Variants in CTNNA3 observed in about 807,000 individuals in gnomAD.
The protein encoded by CTNNA3 is catenin alpha-3.
In CTNNA3, 76 loss-of-function variants were observed where a neutral mutation model predicts 95.7. The ratio of observed to expected loss-of-function variants is 0.79; its 90% CI spans 0.66 to 0.96. CTNNA3 has a LOEUF of 0.96. Ranked by LOEUF, CTNNA3 falls within the 40% of genes least tolerant of loss-of-function variation. The pLI is 0.00. For synonymous variants in CTNNA3, 431 were observed against 374.4 expected, an observed-to-expected ratio of 1.15 and a Z score of -1.74; for missense variants, 1,191 against 1,089.8, an observed-to-expected ratio of 1.09 and a Z score of -1.31.
chr10:66,266,111 GGAAGGAAGGAAGGAAA>G (rs545898962), intron 13 of CTNNA3, among the ~76,000 whole-genome samples: 20,522 of 146,540 alleles, frequency 0.14, 1,649 homozygotes, highest in East Asian at 0.26. Context: ...GAGGGAGGAA[GGAAGGAAGGAAGGAAA>G]GAAGGAAGGA....
chr10:66,301,267 T>C (rs1343754899), intron 12 of CTNNA3, among the ~76,000 whole-genome samples: 1 of 152,042 alleles, frequency 6.6e-6, no homozygotes, highest in African/African-American at 2.4e-5. Flanking sequence ...ATTATACCAA[T>C]TCTTTCCATC....
chr10:67,045,579 C>T (rs1854682013), intron 7 of CTNNA3, among the ~76,000 whole-genome samples: 1 of 152,184 alleles, frequency 6.6e-6, no homozygotes, highest in Non-Finnish European at 1.5e-5. Context: ...TCCCCACGAA[C>T]TTCCATTGCG....
At position 67,180,474 on chromosome 10, in the gene CTNNA3, C is replaced by G. The variant is rs201596778; in HGVS notation, c.890G>C (p.Arg297Pro). The G allele has an allele frequency of 2.5e-6, 4 of 1,613,650 alleles. No homozygotes were observed. The Admixed American group carries it at 6.7e-5, about 27-fold the overall frequency. The part of the protein sequence containing the change: ...NPLTVTEEEI[R>P]PSLEKRLEAI... ...TTCAAGGCGTTTCTCTAGTGATGGT[C>G]GTATTTCCTCCTCAGTTACTGTGAG... Residue 297 changes from arginine to proline, a missense_variant, in exon 7 of 18, where the codon CGA becomes CCA. Transcript: ENST00000433211.
intron 7 of CTNNA3, among the ~76,000 whole-genome samples, chr10:66,814,562 G>C (rs531229012): frequency 7.2e-5 from 11 of 152,216 alleles, no homozygotes; most frequent in African/African-American, 2.4e-4. Context: ...AGGAGTTTGA[G>C]ACTAGCCTGG....
intron 9 of CTNNA3, among the ~76,000 whole-genome samples, chr10:66,713,985 G>A (rs754465273): frequency 2.0e-5 from 3 of 151,942 alleles, no homozygotes; most frequent in Non-Finnish European, 4.4e-5. Context: ...ATACTACAGA[G>A]AAAATCACAT....
rs1187116248 is a variant in CTNNA3 at position 66,447,746 on chromosome 10, C to T, written c.1532-68394G>A. 2.6e-5 allele frequency among the ~76,000 whole-genome samples: 4 copies of T among 151,838 alleles called. No homozygotes were observed. The South Asian group carries it at 6.2e-4, about 24-fold the overall frequency. ...TCCTAGAAGAAAACCTAGGCAATAC[C>T]ATTCAGGACATAGGCATGGGCAAGG... On this transcript the variant is annotated intron_variant, in intron 11 of 17. Coordinates refer to ENST00000433211, the MANE Select transcript of CTNNA3 (RefSeq NM_013266.4).
intron 7 of CTNNA3, among the ~76,000 whole-genome samples, chr10:66,871,502 C>T (rs911496080): frequency 2.2e-5 from 3 of 136,442 alleles, no homozygotes; most frequent in East Asian, 2.2e-4. Context: ...GCGGAGGTTG[C>T]GGTGAGCTGA....
At chr10:66,053,503 T>C (rs1041607013) in intron 15 of CTNNA3, among the ~76,000 whole-genome samples, 23 of 152,022 alleles carry the variant, frequency 1.5e-4, no homozygotes, top group African/African-American at 5.6e-4. Flanking sequence ...AACAATCCAA[T>C]TATACTCTTC....
rs190614546 is a variant in CTNNA3, at chr10:66,178,567, G to C, written c.1885-75318C>G. On this transcript the variant is annotated intron_variant, in intron 13 of 17. Transcript: ENST00000433211. The stretch of plus-strand genomic sequence containing the variant: ...CATAAAAGGAAAAATTGATAAACTG[G>C]ATTTCATCCAAATTAGATTATATTA... 2.7e-5 allele frequency among the ~76,000 whole-genome samples: 4 copies of C among 150,604 alleles called. No individual in the cohort carries two copies. The East Asian group carries it at 7.8e-4, about 29-fold the overall frequency.
chr10:66,308,867 G>A (rs1045951926), intron 12 of CTNNA3, among the ~76,000 whole-genome samples: 1 of 151,900 alleles, frequency 6.6e-6, no homozygotes, highest in African/African-American at 2.4e-5. Flanking sequence ...AGTTCATCAG[G>A]ACACCTTGGC....
intron 5 of CTNNA3, among the ~76,000 whole-genome samples, chr10:67,473,727 A>G (rs1847912259): frequency 6.6e-6 from 1 of 152,226 alleles, no homozygotes; most frequent in Non-Finnish European, 1.5e-5. Context: ...AATTAAAAAT[A>G]ATGCAAATTT....
chr10:66,553,674 A>C (rs1344040732), intron 10 of CTNNA3, among the ~76,000 whole-genome samples: 7 of 150,960 alleles, frequency 4.6e-5, no homozygotes, highest in East Asian at 2.0e-4. Context: ...ACTACAGGTG[A>C]CCGCCACCAC....
intron 1 of CTNNA3, among the ~76,000 whole-genome samples, chr10:67,738,803 C>T (rs1431662538): frequency 1.3e-5 from 2 of 151,974 alleles, no homozygotes; most frequent in Non-Finnish European, 2.9e-5. Flanking sequence ...ATGCACAAGC[C>T]TCGGAAGCCA....
chr10:66,871,588 T>G, intron 7 of CTNNA3, among the ~76,000 whole-genome samples: 1 of 129,162 alleles, frequency 7.7e-6, no homozygotes, highest in African/African-American at 2.9e-5. Context: ...AAAAAAAAAG[T>G]ACTCAACAAT....
intron 7 of CTNNA3, among the ~76,000 whole-genome samples, chr10:66,978,520 CCATCTCAAAAAAAAAAAA>C: frequency 1.9e-5 from 1 of 52,064 alleles, no homozygotes; most frequent in South Asian, 9.6e-4. Flanking sequence ...GAGTGAGACT[CCATCTCAAAAAAAAAAAA>C]AAAAAAAAAA....
At chr10:66,138,029 A>C (rs1445490370) in intron 13 of CTNNA3, among the ~76,000 whole-genome samples, 10 of 137,980 alleles carry the variant, frequency 7.2e-5, no homozygotes, top group Admixed American at 6.9e-4. Context: ...AAAACAAAGA[A>C]AATAAAATAG....
At chr10:67,089,526 A>G (rs10997500) in intron 7 of CTNNA3, among the ~76,000 whole-genome samples, 17,892 of 152,038 alleles carry the variant, frequency 0.12, 1,315 homozygotes, top group African/African-American at 0.21. Flanking sequence ...AGTAAAGTAT[A>G]TTATCTCTGT....
At chr10:66,100,340 G>A (rs1222990121) in intron 14 of CTNNA3, among the ~76,000 whole-genome samples, 1 of 152,176 alleles carries the variant, frequency 6.6e-6, no homozygotes, top group Non-Finnish European at 1.5e-5. Flanking sequence ...TCATGACTGA[G>A]CAGTTATCAG....
At chr10:67,141,900 C>T (rs1383313241) in intron 7 of CTNNA3, among the ~76,000 whole-genome samples, 1 of 151,872 alleles carries the variant, frequency 6.6e-6, no homozygotes, top group African/African-American at 2.4e-5. Context: ...ACCTAGGCCC[C>T]AAGCCAATTT....
Sources: gnomAD v4.1 joint callset for allele counts (sites outside exome capture counted in the v4.1 genomes callset) on GRCh38, gnomAD v4.1.1 for gene constraint, MANE v1.5 for transcripts, NCBI Gene and HGNC (gene_info 2026-07-23, HGNC 2026-07-21) for gene names.